WASF1: variants seen among roughly 807,000 people sequenced by gnomAD.
WASF1 encodes WASP family member 1, also known as actin-binding protein WASF1.
WASF1 carries 7 observed loss-of-function variants against 50.5 expected under a neutral mutation model. That is an observed-to-expected ratio of 0.14 (90% CI 0.08 to 0.26). WASF1 has a LOEUF of 0.26. Ranked by LOEUF, WASF1 falls within the 10% of genes least tolerant of loss-of-function variation. WASF1 has a pLI of 1.00. For missense variants in WASF1, 470 were observed against 694.7 expected (o/e 0.68, Z 3.64); for synonymous variants, 205 against 244.0 (o/e 0.84, Z 1.49).
At chr6:110,124,262 CTCTCTCTCTCTCTA>C (rs1774303936) in intron 4 of WASF1, among the ~76,000 whole-genome samples, 4 of 61,552 alleles carry the variant, frequency 6.5e-5, no homozygotes, top group Non-Finnish European at 8.4e-5. Context: ...CTCTCTCTCT[CTCTCTCTCTCTCTA>C]TATATATATA....
At chr6:110,171,902 C>G (rs193222663) in intron 2 of WASF1, among the ~76,000 whole-genome samples, 1 of 152,244 alleles carries the variant, frequency 6.6e-6, no homozygotes, top group African/African-American at 2.4e-5. Flanking sequence ...CAAAAGAAGA[C>G]GTCTATGCAG....
rs1046816352 is a variant in WASF1 at position 110,102,401 on chromosome 6, A to G, written c.894-185T>C. Among the ~76,000 whole-genome samples the G allele has an allele frequency of 3.3e-5, 5 of 152,086 alleles. 1 individual carries two copies. The highest frequency in any genetic ancestry group is 7.4e-5 in the Non-Finnish European group (5 of 68,008). On this transcript the variant is annotated intron_variant, in intron 9 of 10. Transcript: ENST00000392589. ...AAAAAAGAACTAAAAGCACATCAAT[A>G]AAAAAATTAATGAGTGGTGCTTTGG...
chr6:110,103,380 G>A lies in WASF1; in HGVS notation c.891C>T (p.Ile297=). 1 of 1,611,632 alleles carries A rather than the reference G, an allele frequency of 6.2e-7. No individual in the cohort carries two copies. ...AGDAKPIPTC[I]SSATGLIENR... ...ATCATATGCTTGTTCCAACATACCT[G>A]ATACAGGTGGGTATCGGTTTTGCAT... Residue 297 remains isoleucine, a splice_region_variant and synonymous_variant, in exon 9 of 11, where the codon ATC becomes ATT. Coordinates refer to ENST00000392589, the MANE Select transcript of WASF1 (RefSeq NM_003931.3).
rs1583916442 is a variant in WASF1, at chr6:110,102,135, T to G, written c.975A>C (p.Pro325=). 1 of 1,480,100 alleles carries G rather than the reference T, an allele frequency of 6.8e-7. No homozygotes were observed. The highest frequency in any genetic ancestry group is 9.0e-7 in the Non-Finnish European group (1 of 1,115,522). 91.7% of individuals were successfully genotyped at this position (1,480,100 alleles called of 1,614,324 possible). ...CAGATGGAAGAGGTGGTGGAGGAGG[T>G]GGGGGAGTGGGGCTCACAAACACAG... is the stretch of plus-strand genomic sequence containing the variant. ...RTPVFVSPTP[P]PPPPPLPSAL... The change falls in exon 10 of 11, where the codon CCA becomes CCC. Residue 325 remains proline (P), a synonymous_variant. Coordinates refer to ENST00000392589, the MANE Select transcript of WASF1 (RefSeq NM_003931.3).
chr6:110,146,630 A>C (rs1775576273), intron 3 of WASF1, among the ~76,000 whole-genome samples: 1 of 152,076 alleles, frequency 6.6e-6, no homozygotes, highest in South Asian at 2.1e-4. Flanking sequence ...TATATTTGCA[A>C]GGTTATTGTT....
At chr6:110,136,660 T>C (rs1453568147) in intron 3 of WASF1, among the ~76,000 whole-genome samples, 1 of 152,250 alleles carries the variant, frequency 6.6e-6, no homozygotes, top group Admixed American at 6.5e-5. Context: ...TTGGTTGTGT[T>C]TGCATGATAG....
intron 7 of WASF1, among the ~76,000 whole-genome samples, chr6:110,106,688 A>G (rs537290691): frequency 6.6e-6 from 1 of 152,336 alleles, no homozygotes; most frequent in African/African-American, 2.4e-5. Context: ...TACGTTACCA[A>G]TATCTGTACA....
chr6:110,124,235 C>CCT (rs10684587), intron 4 of WASF1, among the ~76,000 whole-genome samples: 188 of 10,928 alleles, frequency 0.017, 5 homozygotes, highest in Middle Eastern at 0.12. Flanking sequence ...TCCTCTCTCT[C>CCT]CTCTCTCTCT....
intron 4 of WASF1, among the ~76,000 whole-genome samples, chr6:110,124,929 G>A (rs1043885481): frequency 6.6e-6 from 1 of 151,946 alleles, no homozygotes; most frequent in African/African-American, 2.4e-5. Context: ...AAAAAAGGAA[G>A]TACATTTTTG....
chr6:110,147,478 A>G (rs1295105961), intron 3 of WASF1, among the ~76,000 whole-genome samples: 2 of 152,202 alleles, frequency 1.3e-5, no homozygotes, highest in African/African-American at 2.4e-5. Flanking sequence ...AATAAGCTAC[A>G]TACTCAGCAA....
chr6:110,109,815 C>G (rs769254834), intron 5 of WASF1, among the ~76,000 whole-genome samples: 3 of 151,932 alleles, frequency 2.0e-5, no homozygotes, highest in Non-Finnish European at 4.4e-5. Context: ...CCGCCTCAGC[C>G]TCCCAAAGTG....
chr6:110,126,731 G>T (rs570919903), intron 4 of WASF1, among the ~76,000 whole-genome samples: 72 of 152,260 alleles, frequency 4.7e-4, no homozygotes, highest in Non-Finnish European at 8.8e-4. Context: ...AGACAGACCA[G>T]ATTTTTTAAA....
chr6:110,148,691 T>C (rs1775690581), intron 3 of WASF1, among the ~76,000 whole-genome samples: 1 of 152,026 alleles, frequency 6.6e-6, no homozygotes, highest in Non-Finnish European at 1.5e-5. Flanking sequence ...AGCAAAGGAG[T>C]GCCAAGATCA....
At chr6:110,163,868 T>C (rs578212851) in intron 2 of WASF1, among the ~76,000 whole-genome samples, 1 of 151,506 alleles carries the variant, frequency 6.6e-6, no homozygotes, top group Non-Finnish European at 1.5e-5. Flanking sequence ...AATAGAAAAA[T>C]AGTTCAATGA....
At chr6:110,114,560 C>T (rs911558451) in intron 4 of WASF1, among the ~76,000 whole-genome samples, 1 of 152,104 alleles carries the variant, frequency 6.6e-6, no homozygotes, top group Non-Finnish European at 1.5e-5. Flanking sequence ...AGCATACATA[C>T]AGACTCTAAC....
chr6:110,117,500 AT>A (rs1773866725), intron 4 of WASF1, among the ~76,000 whole-genome samples: 1 of 152,234 alleles, frequency 6.6e-6, no homozygotes, highest in South Asian at 2.1e-4. Flanking sequence ...CCTCCAAGAA[AT>A]ATAGGACTAT....
chr6:110,163,788 A>G (rs1275434766), intron 2 of WASF1, among the ~76,000 whole-genome samples: 2 of 151,604 alleles, frequency 1.3e-5, no homozygotes. Flanking sequence ...ACATTATTGA[A>G]GGACTGACAC....
At position 110,122,861 on chromosome 6, in the gene WASF1, G is replaced by A. The variant is rs1183075702; in HGVS notation, c.133+4608C>T. The stretch of plus-strand genomic sequence containing the variant: ...TTATATGCAAATTTCTGGCTTCACT[G>A]AGGATCTGTGCCCCTTACCCCTACA... On this transcript the variant is annotated intron_variant, in intron 4 of 10. Coordinates refer to ENST00000392589, the MANE Select transcript of WASF1 (RefSeq NM_003931.3). Among the ~76,000 whole-genome samples the A allele has an allele frequency of 2.6e-5, 4 of 151,934 alleles. No homozygotes were observed. In the East Asian group the frequency reaches 7.7e-4, roughly 29 times the overall value.
chr6:110,123,711 A>C (rs1429688803), intron 4 of WASF1, among the ~76,000 whole-genome samples: 3 of 152,184 alleles, frequency 2.0e-5, no homozygotes, highest in African/African-American at 4.8e-5. Flanking sequence ...AGGTGTCAAA[A>C]GTTATTTGGT....
Sources: allele counts gnomAD v4.1 joint callset (sites outside exome capture counted in the v4.1 genomes callset), GRCh38; gene constraint gnomAD v4.1.1; transcripts MANE v1.5; gene names NCBI Gene and HGNC (gene_info 2026-07-23, HGNC 2026-07-21).